CLMP: variants seen among roughly 807,000 people sequenced by gnomAD.
The protein encoded by CLMP is CXADR like cell adhesion molecule.
A neutral mutation model predicts 45.2 loss-of-function variants in CLMP; 27 were observed. The ratio of observed to expected loss-of-function variants is 0.60; its 90% CI spans 0.44 to 0.82. The LOEUF is 0.82. CLMP is among the 40% of genes least tolerant of loss of function. The pLI is 0.00. For missense variants in CLMP, 403 were observed against 448.4 expected (o/e 0.90, Z 0.91); for synonymous variants, 167 against 171.4 (o/e 0.97, Z 0.20).
intron 1 of CLMP, among the ~76,000 whole-genome samples, chr11:123,103,118 T>C (rs1860476861): frequency 6.6e-6 from 1 of 152,076 alleles, no homozygotes; most frequent in Non-Finnish European, 1.5e-5. Flanking sequence ...AAATAACCCA[T>C]ATAATAACCC....
chr11:123,138,519 TCTA>T (rs1263400435), intron 1 of CLMP, among the ~76,000 whole-genome samples: 1 of 152,154 alleles, frequency 6.6e-6, no homozygotes, highest in African/African-American at 2.4e-5. Context: ...GTTACAGAGA[TCTA>T]CTTTCTGATA....
chr11:123,110,379 G>A (rs565475544), intron 1 of CLMP, among the ~76,000 whole-genome samples: 26 of 151,532 alleles, frequency 1.7e-4, no homozygotes, highest in African/African-American at 5.6e-4. Context: ...GCTTGAACCC[G>A]AGAGGTGGAA....
chr11:123,099,974 A>C (rs1392374717), intron 1 of CLMP, among the ~76,000 whole-genome samples: 1 of 152,214 alleles, frequency 6.6e-6, no homozygotes. Context: ...ATAGTGGTGA[A>C]GGCAGTAAAA....
intron 5 of CLMP, among the ~76,000 whole-genome samples, chr11:123,077,888 C>T (rs990143092): frequency 6.6e-6 from 1 of 152,154 alleles, no homozygotes; most frequent in Non-Finnish European, 1.5e-5. Flanking sequence ...AGGTGGATCA[C>T]TTGATGCCAG....
At chr11:123,173,941 G>C (rs1035570979) in intron 1 of CLMP, among the ~76,000 whole-genome samples, 2 of 152,026 alleles carry the variant, frequency 1.3e-5, no homozygotes, top group African/African-American at 4.8e-5. Flanking sequence ...AAATTAGCTG[G>C]GCATGGTGGT....
intron 1 of CLMP, among the ~76,000 whole-genome samples, chr11:123,113,591 C>T (rs966974935): frequency 2.6e-5 from 4 of 152,172 alleles, no homozygotes; most frequent in Admixed American, 2.6e-4. Context: ...CTGACTTCTG[C>T]GTTTGGCAGA....
intron 1 of CLMP, among the ~76,000 whole-genome samples, chr11:123,145,741 G>A (rs1861229999): frequency 6.6e-6 from 1 of 152,210 alleles, no homozygotes; most frequent in Admixed American, 6.5e-5. Flanking sequence ...TGGGATTATA[G>A]GCGTGAGCCA....
At chr11:123,109,341 G>T (rs553751555) in intron 1 of CLMP, among the ~76,000 whole-genome samples, 1 of 152,210 alleles carries the variant, frequency 6.6e-6, no homozygotes, top group Non-Finnish European at 1.5e-5. Context: ...ATGTGAACCC[G>T]TGACTCAAAT....
chr11:123,158,152 T>G (rs1162054010), intron 1 of CLMP, among the ~76,000 whole-genome samples: 1 of 152,146 alleles, frequency 6.6e-6, no homozygotes, highest in Non-Finnish European at 1.5e-5. Flanking sequence ...ATTGCACGGT[T>G]AGGCTGGGGC....
At chr11:123,171,686 C>T (rs967329470) in intron 1 of CLMP, among the ~76,000 whole-genome samples, 9 of 152,022 alleles carry the variant, frequency 5.9e-5, no homozygotes, top group Non-Finnish European at 1.3e-4. Flanking sequence ...TCAAGCGATC[C>T]GCCTTCCTCG....
In CLMP at chr11:123,083,854, A is replaced by T; in HGVS notation, c.389-7T>A. On this transcript the variant is annotated splice_polypyrimidine_tract_variant and splice_region_variant and intron_variant, in intron 3 of 6. Coordinates refer to ENST00000448775, the MANE Select transcript of CLMP (RefSeq NM_024769.5). Reference sequence around the variant, plus strand: ...TTGGGCTTGGATGGTCTCACTGGCAACAGCAACAACAAGCAAAAGTGTAGT... The same window carrying T: ...TTGGGCTTGGATGGTCTCACTGGCATCAGCAACAACAAGCAAAAGTGTAGT... The T allele has an allele frequency of 6.2e-7, 1 of 1,612,130 alleles. No homozygotes were observed. Among genetic ancestry groups the T allele is most frequent in the Non-Finnish European group, 8.5e-7 (1 of 1,179,658 alleles).
At chr11:123,085,493 C>G (rs957357513) in intron 2 of CLMP, among the ~76,000 whole-genome samples, 1 of 151,602 alleles carries the variant, frequency 6.6e-6, no homozygotes, top group Non-Finnish European at 1.5e-5. Context: ...AGGTGATCCA[C>G]CCTCCTTGGC....
intron 1 of CLMP, among the ~76,000 whole-genome samples, chr11:123,130,637 A>G (rs1591470312): frequency 6.6e-6 from 1 of 152,148 alleles, no homozygotes; most frequent in East Asian, 1.9e-4. Context: ...CCTCCTGCAC[A>G]TGCCAGGGAA....
intron 1 of CLMP, among the ~76,000 whole-genome samples, chr11:123,133,744 G>A (rs758680140): frequency 6.6e-6 from 1 of 152,096 alleles, no homozygotes; most frequent in African/African-American, 2.4e-5. Context: ...GATATGAGAG[G>A]CAACCTCCTT....
chr11:123,103,058 C>A (rs887253232), intron 1 of CLMP, among the ~76,000 whole-genome samples: 8 of 152,050 alleles, frequency 5.3e-5, no homozygotes, highest in African/African-American at 1.4e-4. Flanking sequence ...CAAACTAAGA[C>A]CCAGGGGTAA....
chr11:123,153,510 A>G (rs1326083903), intron 1 of CLMP, among the ~76,000 whole-genome samples: 1 of 152,158 alleles, frequency 6.6e-6, no homozygotes, highest in African/African-American at 2.4e-5. Context: ...CAGCATTCAA[A>G]AGGAACTCTA....
At chr11:123,113,632 A>G (rs1188529962) in intron 1 of CLMP, among the ~76,000 whole-genome samples, 2 of 152,118 alleles carry the variant, frequency 1.3e-5, no homozygotes, top group Non-Finnish European at 2.9e-5. Flanking sequence ...CTTCGTCCTG[A>G]TAGGTTCTCA....
rs568497822 is a variant in CLMP at position 123,085,195 on chromosome 11, T to A, written c.187-482A>T. ...CTGCCTCCCATTCTTTTTTTTTTTT[T>A]TTTTTAAGTATTTGAGAGACTTCTA... On this transcript the variant is annotated intron_variant, in intron 2 of 6. Coordinates refer to ENST00000448775, the MANE Select transcript of CLMP (RefSeq NM_024769.5). 2.0e-5 allele frequency among the ~76,000 whole-genome samples: 3 copies of A among 152,076 alleles called. No individual in the cohort carries two copies. In the East Asian group the frequency reaches 5.8e-4, roughly 29 times the overall value.
At chr11:123,151,992 A>C (rs927787687) in intron 1 of CLMP, among the ~76,000 whole-genome samples, 5 of 152,170 alleles carry the variant, frequency 3.3e-5, no homozygotes, top group Non-Finnish European at 7.4e-5. Flanking sequence ...CAAGTCTGTC[A>C]GATGAATTTG....
Sources: allele counts gnomAD v4.1 joint callset (sites outside exome capture counted in the v4.1 genomes callset), GRCh38; gene constraint gnomAD v4.1.1; transcripts MANE v1.5; gene names NCBI Gene and HGNC (gene_info 2026-07-23, HGNC 2026-07-21).